The following EFR3B variants were observed in gnomAD, a reference collection of about 807,000 sequenced individuals.
The protein encoded by EFR3B is EFR3 homolog B.
EFR3B carries 64 observed loss-of-function variants against 104.7 expected under a neutral mutation model. The ratio of observed to expected loss-of-function variants is 0.61; its 90% CI spans 0.50 to 0.75. The LOEUF is 0.75. Among genes scored for constraint, EFR3B ranks in the 30% least tolerant of loss-of-function variants. EFR3B has a pLI of 0.00. For synonymous variants in EFR3B, 385 were observed against 417.9 expected (o/e 0.92, Z 0.96); for missense variants, 750 against 1,078.5 (o/e 0.70, Z 4.27).
At chr2:25,074,067 T>TG (rs547184513) in intron 1 of EFR3B, among the ~76,000 whole-genome samples, 16 of 152,120 alleles carry the variant, frequency 1.1e-4, no homozygotes, top group African/African-American at 2.7e-4. Context: ...CTTGGCACAG[T>TG]GGGGGGGACT....
Position 25,111,215 on chromosome 2 carries a change from G to T in EFR3B, c.363+7428G>T, listed in dbSNP as rs550955389. Among the ~76,000 whole-genome samples the T allele has an allele frequency of 3.3e-5, 5 of 152,296 alleles. No homozygotes were observed. In the South Asian group the frequency reaches 8.3e-4, roughly 25 times the overall value. On this transcript the variant is annotated intron_variant, in intron 4 of 22. Transcript: ENST00000403714. The stretch of plus-strand genomic sequence containing the variant: ...AGATGCCAAGTGTGATCCCGGCCTA[G>T]GGTGTGGCCAGCCACCCCTCTCCAT...
At chr2:25,109,711 G>A (rs1669669931) in intron 4 of EFR3B, among the ~76,000 whole-genome samples, 1 of 152,160 alleles carries the variant, frequency 6.6e-6, no homozygotes, top group Non-Finnish European at 1.5e-5. Flanking sequence ...GCCAGGTGAA[G>A]GGGGAGAGAG....
In EFR3B at chr2:25,042,346, G is replaced by A; in HGVS notation, c.7+27G>A. ...TAAGGAGGGCTCCGCGCCCGGGCCC[G>A]GGCCCGCGGGGGCGACTCCGCAAAC... On this transcript the variant is annotated intron_variant, in intron 1 of 22. Coordinates refer to ENST00000403714, the MANE Select transcript of EFR3B (RefSeq NM_014971.2). This position sits in a 1 kb window ranked among gnomAD's most constrained non-coding sequence, Gnocchi z 5.4. The A allele has an allele frequency of 8.0e-7, 1 of 1,257,020 alleles. No homozygotes were observed. The highest frequency in any genetic ancestry group is 1.0e-6 in the Non-Finnish European group (1 of 999,646). The allele number at this position is 1,257,020 out of a possible 1,614,324, so 77.9% of individuals were successfully genotyped here.
intron 4 of EFR3B, among the ~76,000 whole-genome samples, chr2:25,106,648 G>T (rs1669572318): frequency 6.6e-6 from 1 of 152,152 alleles, no homozygotes; most frequent in African/African-American, 2.4e-5. Context: ...TCACCATGTT[G>T]GTCAGGCTGG....
intron 12 of EFR3B, among the ~76,000 whole-genome samples, chr2:25,133,698 C>T (rs997824230): frequency 6.6e-6 from 1 of 152,230 alleles, no homozygotes. Flanking sequence ...AGCGTTGTCA[C>T]TCAGACGTGA....
intron 4 of EFR3B, among the ~76,000 whole-genome samples, chr2:25,118,614 G>C (rs538513040): frequency 1.3e-5 from 2 of 149,908 alleles, no homozygotes; most frequent in South Asian, 4.2e-4. Flanking sequence ...TAACCGTGGT[G>C]ACTATTTCAC....
intron 19 of EFR3B, chr2:25,147,742 T>TG (rs1215155922): frequency 6.6e-6 from 1 of 152,192 alleles, no homozygotes; most frequent in Non-Finnish European, 1.5e-5. Flanking sequence ...AGCATGAGGC[T>TG]GGGCGTGGTG....
intron 4 of EFR3B, among the ~76,000 whole-genome samples, chr2:25,111,111 TA>T (rs1240469336): frequency 1.3e-5 from 2 of 152,232 alleles, no homozygotes; most frequent in East Asian, 3.9e-4. Context: ...TACTTTCGGC[TA>T]TAATACTTCA....
At chr2:25,080,813 A>C in intron 1 of EFR3B, 2 of 970,114 alleles carry the variant, frequency 2.1e-6, no homozygotes, top group Non-Finnish European at 3.4e-6. Flanking sequence ...GCACAGCTCC[A>C]TCTGAATCTT....
intron 3 of EFR3B, among the ~76,000 whole-genome samples, chr2:25,100,156 A>C (rs971512386): frequency 1.3e-5 from 2 of 152,124 alleles, no homozygotes; most frequent in African/African-American, 4.8e-5. Context: ...GTGAGCCGAG[A>C]TTGCGCCATT....
At position 25,042,109 on chromosome 2, in the gene EFR3B, C is replaced by T. The variant is rs1667587422; in HGVS notation, c.-204C>T. 4 of 354,676 alleles carry T rather than the reference C, an allele frequency of 1.1e-5. No individual in the cohort carries two copies. Among genetic ancestry groups the T allele is most frequent in the Non-Finnish European group, 1.9e-5 (4 of 208,678 alleles). 22.0% of individuals were successfully genotyped at this position (354,676 alleles called of 1,614,324 possible). A position where few individuals can be genotyped will look rare whatever the true frequency, so the allele number is the denominator to read the frequency against. On this transcript the variant is annotated 5_prime_UTR_variant, in exon 1 of 23. Coordinates refer to ENST00000403714, the MANE Select transcript of EFR3B (RefSeq NM_014971.2). The surrounding 1 kb of genome is among the most constrained non-coding windows in gnomAD (Gnocchi z 5.4). ...CCAGCAACCCGAGCGGAGGCGGCCG[C>T]TGCAGCCCGGCGCTGAATGGGCTGG...
At chr2:25,125,127 ACTT>A (rs1293995562) in intron 5 of EFR3B, among the ~76,000 whole-genome samples, 1 of 152,206 alleles carries the variant, frequency 6.6e-6, no homozygotes, top group Admixed American at 6.5e-5. Context: ...ATCTTTCTGA[ACTT>A]CTTTTGAAAG....
At chr2:25,149,151 C>T (rs1285556124) in intron 19 of EFR3B, among the ~76,000 whole-genome samples, 1 of 151,864 alleles carries the variant, frequency 6.6e-6, no homozygotes, top group South Asian at 2.1e-4. Context: ...GAGTTCGGGA[C>T]CAGCCTGACC....
intron 4 of EFR3B, among the ~76,000 whole-genome samples, chr2:25,109,839 T>G (rs923144158): frequency 1.3e-5 from 2 of 152,204 alleles, no homozygotes; most frequent in Non-Finnish European, 2.9e-5. Flanking sequence ...TTAAAATGGC[T>G]AATTTTATGT....
intron 3 of EFR3B, among the ~76,000 whole-genome samples, chr2:25,097,462 T>C (rs1669311010): frequency 1.3e-5 from 2 of 152,194 alleles, no homozygotes; most frequent in African/African-American, 4.8e-5. Flanking sequence ...TGCAGGTGTC[T>C]GTATTTGGGG....
chr2:25,064,236 C>T (rs1668273172), intron 1 of EFR3B, among the ~76,000 whole-genome samples: 1 of 152,230 alleles, frequency 6.6e-6, no homozygotes, highest in Admixed American at 6.5e-5. Context: ...GCAACAGTCT[C>T]TCTGATGATA....
At position 25,150,232 on chromosome 2, in the gene EFR3B, G is replaced by A. The variant is rs1035797682; in HGVS notation, c.2191+490G>A. On this transcript the variant is annotated intron_variant, in intron 20 of 22. Transcript: ENST00000403714. Reference sequence around the variant, plus strand: ...GGAGAATTGCTTGAACCTAGGAGGCGGAGGTTGCAGTGAGCTGAGATTGCA... The same window carrying A: ...GGAGAATTGCTTGAACCTAGGAGGCAGAGGTTGCAGTGAGCTGAGATTGCA... Among the ~76,000 whole-genome samples, 4 of 151,304 alleles carry A rather than the reference G, an allele frequency of 2.6e-5. No homozygotes were observed. In the East Asian group the frequency reaches 5.9e-4, roughly 22 times the overall value.
chr2:25,133,472 C>T (rs747572394), intron 12 of EFR3B, 38 bp downstream of exon 12: 10 of 1,548,432 alleles, frequency 6.5e-6, no homozygotes, highest in Middle Eastern at 1.7e-4. Context: ...TCTTCCTCTG[C>T]AGGAGACAGC....
intron 1 of EFR3B, among the ~76,000 whole-genome samples, chr2:25,078,743 A>G (rs530124670): frequency 1.3e-5 from 2 of 152,338 alleles, no homozygotes; most frequent in African/African-American, 4.8e-5. Context: ...TACAGTGTGA[A>G]GGATGCACAG....
Sources: gnomAD v4.1 joint callset for allele counts (sites outside exome capture counted in the v4.1 genomes callset) on GRCh38, gnomAD v4.1.1 for gene constraint, Gnocchi (gnomAD v3.1) non-coding constraint, MANE v1.5 for transcripts, NCBI Gene and HGNC (gene_info 2026-07-23, HGNC 2026-07-21) for gene names.